Variants in PLCB1 observed in about 807,000 individuals in gnomAD.
PLCB1 encodes phospholipase C beta 1, also known as 1-phosphatidylinositol 4,5-bisphosphate phosphodiesterase beta-1.
PLCB1 carries 46 observed loss-of-function variants against 161.8 expected under a neutral mutation model. The ratio of observed to expected loss-of-function variants is 0.28; its 90% CI spans 0.22 to 0.36. The LOEUF is 0.36. Ranked by LOEUF, PLCB1 falls within the 10% of genes least tolerant of loss-of-function variation. The pLI, the probability that PLCB1 is intolerant of heterozygous loss-of-function variation, is 1.00. For missense variants in PLCB1, 1,016 were observed against 1,472.5 expected, an observed-to-expected ratio of 0.69 and a Z score of 5.07; for synonymous variants, 517 against 503.7, an observed-to-expected ratio of 1.03 and a Z score of -0.35.
At chr20:8,333,111 C>T (rs1028305208) in intron 2 of PLCB1, among the ~76,000 whole-genome samples, 3 of 152,136 alleles carry the variant, frequency 2.0e-5, no homozygotes, top group African/African-American at 2.4e-5. Context: ...TACAGAGATG[C>T]GCTTTCCTCA....
intron 11 of PLCB1, among the ~76,000 whole-genome samples, chr20:8,701,602 A>G (rs971524318): frequency 3.9e-5 from 6 of 152,194 alleles, no homozygotes; most frequent in African/African-American, 9.6e-5. Flanking sequence ...CTTAATTCCT[A>G]TGTTCCTTGT....
intron 4 of PLCB1, among the ~76,000 whole-genome samples, chr20:8,641,677 C>T (rs573525104): frequency 3.3e-5 from 5 of 152,302 alleles, no homozygotes; most frequent in Admixed American, 3.3e-4. Context: ...CCTTTCCCAG[C>T]ATTCTTGTTA....
chr20:8,729,397 T>C (rs925912590), intron 18 of PLCB1: 3 of 332,708 alleles, frequency 9.0e-6, no homozygotes, highest in Non-Finnish European at 1.6e-5. Context: ...CTACAGGCTT[T>C]GCATTATTTT....
chr20:8,762,142 G>A (rs1231216034), intron 25 of PLCB1, among the ~76,000 whole-genome samples: 8 of 152,094 alleles, frequency 5.3e-5, no homozygotes, highest in Non-Finnish European at 8.8e-5. Flanking sequence ...CCCAGGAGGC[G>A]GAGGTTGCCG....
At chr20:8,172,867 C>A (rs1366031436) in intron 2 of PLCB1, among the ~76,000 whole-genome samples, 1 of 152,124 alleles carries the variant, frequency 6.6e-6, no homozygotes, top group East Asian at 1.9e-4. Context: ...TCTTATGTTT[C>A]CCCCAGCCAG....
intron 3 of PLCB1, among the ~76,000 whole-genome samples, chr20:8,481,285 C>G (rs1249508661): frequency 6.6e-6 from 1 of 152,188 alleles, no homozygotes; most frequent in Non-Finnish European, 1.5e-5. Flanking sequence ...TCTGATAGAA[C>G]TGCTAACGAG....
intron 3 of PLCB1, among the ~76,000 whole-genome samples, chr20:8,472,713 G>T (rs1008404548): frequency 1.3e-5 from 2 of 151,976 alleles, no homozygotes; most frequent in Non-Finnish European, 2.9e-5. Flanking sequence ...TTGAGATGTT[G>T]CATTGATCAC....
At chr20:8,229,079 A>G (rs1183413656) in intron 2 of PLCB1, among the ~76,000 whole-genome samples, 2 of 151,984 alleles carry the variant, frequency 1.3e-5, no homozygotes, top group African/African-American at 2.4e-5. Flanking sequence ...CCACTGTTCT[A>G]TTCTACTTCT....
intron 3 of PLCB1, among the ~76,000 whole-genome samples, chr20:8,443,075 G>A (rs1056754733): frequency 1.3e-5 from 2 of 151,910 alleles, no homozygotes; most frequent in East Asian, 3.9e-4. Flanking sequence ...TGCATCCTGG[G>A]TTCAAGCGAT....
chr20:8,697,878 T>G (rs1462273191), intron 11 of PLCB1, 95 bp downstream of exon 11: 2 of 1,136,540 alleles, frequency 1.8e-6, no homozygotes, highest in East Asian at 4.9e-5. Context: ...GTGGTCACAA[T>G]TAAGTCCAAA....
At chr20:8,868,952 A>T (rs1308463764) in intron 31 of PLCB1, among the ~76,000 whole-genome samples, 6 of 152,136 alleles carry the variant, frequency 3.9e-5, no homozygotes, top group Non-Finnish European at 7.4e-5. Flanking sequence ...AGAATTTAGT[A>T]TTCAGATCTT....
At chr20:8,725,422 T>G (rs1331011750) in intron 16 of PLCB1, among the ~76,000 whole-genome samples, 1 of 152,124 alleles carries the variant, frequency 6.6e-6, no homozygotes, top group African/African-American at 2.4e-5. Context: ...TACTAGCCAC[T>G]TATAAGGGTG....
At chr20:8,654,280 T>C (rs1311445704) in intron 7 of PLCB1, among the ~76,000 whole-genome samples, 1 of 152,052 alleles carries the variant, frequency 6.6e-6, no homozygotes, top group Non-Finnish European at 1.5e-5. Flanking sequence ...AGATTACTAA[T>C]TTAGATTATA....
chr20:8,638,853 A>G (rs1168101506), intron 4 of PLCB1, among the ~76,000 whole-genome samples: 1 of 143,874 alleles, frequency 7.0e-6, no homozygotes, highest in East Asian at 2.0e-4. Flanking sequence ...GGACAAATTT[A>G]AAAAGACTTG....
At chr20:8,854,781 A>G (rs1476416286) in intron 31 of PLCB1, among the ~76,000 whole-genome samples, 1 of 152,206 alleles carries the variant, frequency 6.6e-6, no homozygotes, top group Non-Finnish European at 1.5e-5. Flanking sequence ...CTCGGCAAGG[A>G]GCCTCCTGTG....
At chr20:8,411,926 G>T (rs1012151433) in intron 3 of PLCB1, among the ~76,000 whole-genome samples, 6 of 152,198 alleles carry the variant, frequency 3.9e-5, no homozygotes, top group African/African-American at 1.2e-4. Context: ...GAGAGACTGA[G>T]GCAGGAGAAT....
chr20:8,789,465 T>G, intron 29 of PLCB1, 53 bp from the exon 30 acceptor site: 2 of 1,160,474 alleles, frequency 1.7e-6, no homozygotes, highest in Non-Finnish European at 1.3e-6. Flanking sequence ...GAGATTACCA[T>G]TTGTCAATTC....
chr20:8,460,124 G>A (rs1048431413), intron 3 of PLCB1, among the ~76,000 whole-genome samples: 13 of 152,172 alleles, frequency 8.5e-5, no homozygotes, highest in Admixed American at 8.5e-4. Context: ...AGATCAAGTG[G>A]TGATAGAGAT....
chr20:8,173,150 A>T (rs1052658114), intron 2 of PLCB1, among the ~76,000 whole-genome samples: 1 of 152,218 alleles, frequency 6.6e-6, no homozygotes, highest in African/African-American at 2.4e-5. Flanking sequence ...GCCCATGCCC[A>T]TGACAACAAG....
Sources: allele counts gnomAD v4.1 joint callset (sites outside exome capture counted in the v4.1 genomes callset), GRCh38; gene constraint gnomAD v4.1.1; transcripts MANE v1.5; gene names NCBI Gene and HGNC (gene_info 2026-07-23, HGNC 2026-07-21).